The following PLSCR5 variants were observed in gnomAD, a reference collection of about 807,000 sequenced individuals.
PLSCR5 encodes phospholipid scramblase family member 5.
Under a neutral mutation model 33.6 loss-of-function variants are expected in PLSCR5, and 44 were observed. The ratio of observed to expected loss-of-function variants is 1.31; its 90% CI spans 1.03 to 1.69. PLSCR5 has a LOEUF of 1.69. Ranked by LOEUF, PLSCR5 falls within the 40% of genes most tolerant of loss-of-function variation. The probability of loss-of-function intolerance (pLI) is 0.00; values close to 1 mark genes in which losing one functional copy is unlikely to be tolerated. For synonymous variants in PLSCR5, 148 were observed against 112.3 expected, an observed-to-expected ratio of 1.32 and a Z score of -2.01; for missense variants, 375 against 318.7, an observed-to-expected ratio of 1.18 and a Z score of -1.34.
At chr3:146,596,029 C>T (rs1287684369) in intron 2 of PLSCR5, among the ~76,000 whole-genome samples, 3 of 152,032 alleles carry the variant, frequency 2.0e-5, no homozygotes, top group South Asian at 2.1e-4. Context: ...AAATACATTA[C>T]AAGATTTGAC....
chr3:146,602,123 G>A (rs372010630), intron 1 of PLSCR5, among the ~76,000 whole-genome samples: 1 of 151,894 alleles, frequency 6.6e-6, no homozygotes, highest in South Asian at 2.1e-4. Context: ...TTTGGTTTCC[G>A]CAAGTACCCC....
chr3:146,597,172 C>A (rs2044768387), intron 2 of PLSCR5, among the ~76,000 whole-genome samples: 1 of 152,026 alleles, frequency 6.6e-6, no homozygotes, highest in Non-Finnish European at 1.5e-5. Context: ...TAATTGAAGT[C>A]CACCTGACAA....
chr3:146,586,970 A>AT (rs1324618526), intron 6 of PLSCR5, among the ~76,000 whole-genome samples: 2 of 152,242 alleles, frequency 1.3e-5, no homozygotes, highest in East Asian at 3.8e-4. Flanking sequence ...ATATGATGGT[A>AT]AAAAGAAAAA....
In PLSCR5 at chr3:146,601,056, C is replaced by T. The variant is rs145031927; in HGVS notation, c.14-593G>A. 5.5e-3 allele frequency among the ~76,000 whole-genome samples: 833 copies of T among 150,096 alleles called. 10 individuals are homozygous for T. Among genetic ancestry groups the T allele is most frequent in the African/African-American group, 0.019 (797 of 41,128 alleles). ...GCTATGCATCCTTTTGTAGCTCACC[C>T]AATATTACAAAATATAAAAGATATC... is the stretch of plus-strand genomic sequence containing the variant. On this transcript the variant is annotated intron_variant, in intron 1 of 7. Coordinates refer to ENST00000443512, the MANE Select transcript of PLSCR5 (RefSeq NM_001085420.2).
At chr3:146,604,404 C>A (rs1348054776) in intron 1 of PLSCR5, among the ~76,000 whole-genome samples, 2 of 152,078 alleles carry the variant, frequency 1.3e-5, no homozygotes, top group African/African-American at 4.8e-5. Context: ...ATCAGTCCTA[C>A]TCCCCAAAAG....
At chr3:146,581,469 T>C (rs2044632347), downstream of PLSCR5, among the ~76,000 whole-genome samples, 1 of 152,232 alleles carries the variant, frequency 6.6e-6, no homozygotes, top group Non-Finnish European at 1.5e-5. Flanking sequence ...CCTAGTGCAG[T>C]GTATGCATTC....
At chr3:146,600,495 T>C in intron 1 of PLSCR5, 32 bp from the exon 2 acceptor site, 1 of 1,525,154 alleles carries the variant, frequency 6.6e-7, no homozygotes, top group Non-Finnish European at 8.8e-7. Flanking sequence ...AATCCATATT[T>C]AAATTTAGGC....
chr3:146,600,054 AG>A (rs1167315909), intron 2 of PLSCR5, among the ~76,000 whole-genome samples: 1 of 152,220 alleles, frequency 6.6e-6, no homozygotes, highest in African/African-American at 2.4e-5. Context: ...AAAAATATTT[AG>A]TCTCATCATT....
chr3:146,590,572 G>A (rs547674187), intron 5 of PLSCR5, among the ~76,000 whole-genome samples: 3 of 152,176 alleles, frequency 2.0e-5, no homozygotes, highest in Non-Finnish European at 4.4e-5. Flanking sequence ...TAATTCAAGA[G>A]AAACTATCAC....
intron 7 of PLSCR5, among the ~76,000 whole-genome samples, chr3:146,579,241 A>T (rs1328802302): frequency 6.6e-6 from 1 of 152,186 alleles, no homozygotes; most frequent in Admixed American, 6.5e-5. Flanking sequence ...AGGAGAAATG[A>T]TAAAAATCAA....
At position 146,595,091 on chromosome 3, in the gene PLSCR5, G is replaced by A. The variant is rs374333333; in HGVS notation, c.190-8C>T. The A allele has an allele frequency of 3.6e-6, 5 of 1,399,500 alleles. No individual in the cohort carries two copies. The highest frequency in any genetic ancestry group is 1.9e-4 in the Middle Eastern group (1 of 5,224). The allele number at this position is 1,399,500 out of a possible 1,614,324, so 86.7% of individuals were successfully genotyped here. A position where few individuals can be genotyped will look rare whatever the true frequency, so the allele number is the denominator to read the frequency against. On this transcript the variant is annotated splice_region_variant and splice_polypyrimidine_tract_variant and intron_variant, in intron 2 of 7. Transcript: ENST00000443512. ...TATAATTATCAGGTCTAACTGTAAA[G>A]GATGACATAAAAGGAAATAAAAAGT...
intron 7 of PLSCR5, among the ~76,000 whole-genome samples, chr3:146,580,455 T>C (rs1018615034): frequency 5.4e-5 from 3 of 55,626 alleles, no homozygotes; most frequent in Admixed American, 2.9e-4. Flanking sequence ...TTGAATTTGC[T>C]TTTTTTTTTT....
chr3:146,602,107 T>G (rs2044821542), intron 1 of PLSCR5, among the ~76,000 whole-genome samples: 1 of 152,106 alleles, frequency 6.6e-6, no homozygotes. Context: ...GATAATACTA[T>G]AGCAGTTTGG....
chr3:146,590,417 TA>T (rs945343315), intron 5 of PLSCR5: 2 of 152,002 alleles, frequency 1.3e-5, no homozygotes, highest in South Asian at 2.1e-4. Flanking sequence ...ATTTTTACAT[TA>T]AAAAAATCCT....
At chr3:146,594,969 G>A (rs187427168) in intron 3 of PLSCR5, 72 bp downstream of exon 3, 5 of 895,510 alleles carry the variant, frequency 5.6e-6, no homozygotes, top group East Asian at 6.7e-5. Context: ...ATATTTAGAT[G>A]CAAAGAAACT....
intron 2 of PLSCR5, among the ~76,000 whole-genome samples, chr3:146,596,783 T>C (rs2044765101): frequency 6.6e-6 from 1 of 152,216 alleles, no homozygotes; most frequent in Non-Finnish European, 1.5e-5. Flanking sequence ...GTAAAACTAA[T>C]ATCATTTTCT....
intron 4 of PLSCR5, among the ~76,000 whole-genome samples, chr3:146,593,443 A>C (rs1246919644): frequency 6.6e-6 from 1 of 152,186 alleles, no homozygotes; most frequent in Non-Finnish European, 1.5e-5. Flanking sequence ...TAGAACAATA[A>C]CATTGTCTTG....
rs548999767 is a variant in PLSCR5, at chr3:146,580,322, A to G, written c.*45-3597T>C. On this transcript the variant is annotated intron_variant, in intron 7 of 7. Transcript: ENST00000482567. ...TCCTAAACTTGCCTTGCAAGACTGT[A>G]TGTGATTTAGCCCCTAGCTACTTTT... 2.6e-3 allele frequency among the ~76,000 whole-genome samples: 389 copies of G among 151,790 alleles called. 1 individual carries two copies. The highest frequency in any genetic ancestry group is 4.3e-3 in the Non-Finnish European group (293 of 67,976).
In PLSCR5 at chr3:146,585,876, A is replaced by AT. The variant is rs66481203; in HGVS notation, c.*110dup. 203 of 442,828 alleles carry AT rather than the reference A, an allele frequency of 4.6e-4. 1 individual carries two copies. The highest frequency in any genetic ancestry group is 1.3e-3 in the Middle Eastern group (2 of 1,536). The allele number at this position is 442,828 out of a possible 1,614,324, so 27.4% of individuals were successfully genotyped here. ...TGTTTTAATAAATATAATAATTAAC[A>AT]TTTTTTTTTAACAAAAAAGCAAACA... is the stretch of plus-strand genomic sequence containing the variant. On this transcript the variant is annotated 3_prime_UTR_variant, in exon 8 of 8. Coordinates refer to ENST00000443512, the MANE Select transcript of PLSCR5 (RefSeq NM_001085420.2).
Sources: gnomAD v4.1 joint callset for allele counts (sites outside exome capture counted in the v4.1 genomes callset) on GRCh38, gnomAD v4.1.1 for gene constraint, MANE v1.5 for transcripts, NCBI Gene and HGNC (gene_info 2026-07-23, HGNC 2026-07-21) for gene names.